RBFOX1: variants seen among roughly 807,000 people sequenced by gnomAD.
The protein encoded by RBFOX1 is RNA binding protein fox-1 homolog 1.
Under a neutral mutation model 57.7 loss-of-function variants are expected in RBFOX1, and 8 were observed. The ratio of observed to expected loss-of-function variants is 0.14; its 90% confidence interval spans 0.08 to 0.25. RBFOX1 has a LOEUF of 0.25. Ranked by LOEUF, RBFOX1 falls within the 10% of genes least tolerant of loss-of-function variation. The pLI, the probability that RBFOX1 is intolerant of heterozygous loss-of-function variation, is 1.00. For synonymous variants in RBFOX1, 326 were observed against 222.4 expected, an observed-to-expected ratio of 1.47 and a Z score of -4.15; for missense variants, 611 against 548.5, an observed-to-expected ratio of 1.11 and a Z score of -1.14.
intron 2 of RBFOX1, among the ~76,000 whole-genome samples, chr16:6,325,216 A>T (rs2082241541): frequency 6.6e-6 from 1 of 152,078 alleles, no homozygotes; most frequent in Non-Finnish European, 1.5e-5. Flanking sequence ...AAAATTATCC[A>T]GGCATGGTGG....
intron 3 of RBFOX1, among the ~76,000 whole-genome samples, chr16:5,710,178 G>A (rs7196122): frequency 1.3e-5 from 2 of 151,918 alleles, no homozygotes; most frequent in African/African-American, 4.8e-5. Context: ...TTAGAGCCAA[G>A]GGTTATATGA....
chr16:5,842,196 A>G (rs944675813), intron 3 of RBFOX1, among the ~76,000 whole-genome samples: 1 of 152,198 alleles, frequency 6.6e-6, no homozygotes, highest in Non-Finnish European at 1.5e-5. Flanking sequence ...CGCCTCAAAC[A>G]TGTTAACTGC....
Position 5,775,251 on chromosome 16 carries a change from T to A in RBFOX1, c.319-92052T>A, listed in dbSNP as rs561328958. Among the ~76,000 whole-genome samples, 8 of 152,280 alleles carry A rather than the reference T, an allele frequency of 5.3e-5. No homozygotes were observed. In the South Asian group the frequency reaches 1.7e-3, roughly 32 times the overall value. Reference sequence around the variant, plus strand: ...CTCCTTACTCAACCACCATAGCTGTTCCTAAGCTTCCCTTCAACTAACATC... The same window carrying A: ...CTCCTTACTCAACCACCATAGCTGTACCTAAGCTTCCCTTCAACTAACATC... On this transcript the variant is annotated intron_variant, in intron 3 of 19. Transcript: ENST00000641259.
chr16:6,421,711 C>G (rs1434543667), intron 2 of RBFOX1, among the ~76,000 whole-genome samples: 1 of 152,150 alleles, frequency 6.6e-6, no homozygotes, highest in Non-Finnish European at 1.5e-5. Flanking sequence ...ATAAATTTAA[C>G]ACACTAATCA....
chr16:5,835,526 C>T (rs2056430127), intron 3 of RBFOX1, among the ~76,000 whole-genome samples: 1 of 152,132 alleles, frequency 6.6e-6, no homozygotes, highest in South Asian at 2.1e-4. Flanking sequence ...TCCAGATTCC[C>T]AGGACCCTCT....
chr16:7,665,054 C>T (rs950012976), intron 13 of RBFOX1, 86 bp downstream of exon 13: 14 of 1,611,272 alleles, frequency 8.7e-6, no homozygotes, highest in South Asian at 3.3e-5. Context: ...CTCTACTTGG[C>T]GTAGTTGAGT....
At chr16:6,922,995 A>G (rs1201335811) in intron 3 of RBFOX1, among the ~76,000 whole-genome samples, 1 of 152,186 alleles carries the variant, frequency 6.6e-6, no homozygotes, top group Non-Finnish European at 1.5e-5. Flanking sequence ...TACACAAACT[A>G]CTTATAAATC....
At chr16:5,829,997 A>AT (rs2056207192) in intron 3 of RBFOX1, among the ~76,000 whole-genome samples, 1 of 152,176 alleles carries the variant, frequency 6.6e-6, no homozygotes, top group Admixed American at 6.5e-5. Context: ...TCTTGCTTCC[A>AT]GTCTCTTCGT....
intron 1 of RBFOX1, among the ~76,000 whole-genome samples, chr16:6,034,564 A>G (rs1312093965): frequency 6.6e-6 from 1 of 151,992 alleles, no homozygotes; most frequent in African/African-American, 2.4e-5. Flanking sequence ...ACCTTTGGGT[A>G]AGGTTCCCAT....
chr16:7,134,412 C>T (rs954773395), intron 4 of RBFOX1, among the ~76,000 whole-genome samples: 1 of 152,160 alleles, frequency 6.6e-6, no homozygotes, highest in Non-Finnish European at 1.5e-5. Context: ...ATTACTTCTT[C>T]AGGCATTGAG....
At chr16:7,175,132 A>G (rs1202979211) in intron 4 of RBFOX1, among the ~76,000 whole-genome samples, 1 of 151,758 alleles carries the variant, frequency 6.6e-6, no homozygotes, top group Non-Finnish European at 1.5e-5. Flanking sequence ...TGCTGCACCT[A>G]TCAACCCATC....
intron 3 of RBFOX1, among the ~76,000 whole-genome samples, chr16:6,732,904 T>C (rs374731364): frequency 6.6e-6 from 1 of 152,240 alleles, no homozygotes; most frequent in African/African-American, 2.4e-5. Flanking sequence ...CCTTGTGTTA[T>C]ATTTCATGAC....
At chr16:7,361,418 C>G (rs1462199450) in intron 4 of RBFOX1, among the ~76,000 whole-genome samples, 1 of 152,168 alleles carries the variant, frequency 6.6e-6, no homozygotes, top group Non-Finnish European at 1.5e-5. Context: ...GGCTGCGGCA[C>G]TTCCCTAAAG....
At chr16:6,024,228 A>G (rs1158136498) in intron 1 of RBFOX1, among the ~76,000 whole-genome samples, 2 of 152,212 alleles carry the variant, frequency 1.3e-5, no homozygotes, top group African/African-American at 4.8e-5. Context: ...AATGTACCAC[A>G]TGTTAGACCC....
intron 1 of RBFOX1, among the ~76,000 whole-genome samples, chr16:6,072,897 G>A (rs1035717542): frequency 4.6e-5 from 7 of 152,086 alleles, no homozygotes; most frequent in African/African-American, 1.7e-4. Context: ...TGTGGGGATG[G>A]TTTCACAGGC....
rs559871132 is a variant in RBFOX1 at position 6,542,655 on chromosome 16, G to A, written c.-63-111948G>A. Reference sequence around the variant, plus strand: ...CAGGCGCCCGCCACCATGCCTGGCGGCTAATTTTTTGTATTTTTAGTAGAG... The same window carrying A: ...CAGGCGCCCGCCACCATGCCTGGCGACTAATTTTTTGTATTTTTAGTAGAG... On this transcript the variant is annotated intron_variant, in intron 2 of 15. Coordinates refer to ENST00000550418, the MANE Select transcript of RBFOX1 (RefSeq NM_018723.4). Among the ~76,000 whole-genome samples, 60 of 151,794 alleles carry A rather than the reference G, an allele frequency of 4.0e-4. 1 individual carries two copies. In the South Asian group the frequency reaches 0.012, roughly 31 times the overall value.
intron 10 of RBFOX1, among the ~76,000 whole-genome samples, chr16:7,620,811 A>C (rs2059196670): frequency 6.6e-6 from 1 of 152,180 alleles, no homozygotes; most frequent in Non-Finnish European, 1.5e-5. Flanking sequence ...ACTGACTTAT[A>C]GTTCAGTTTT....
At chr16:7,051,013 C>T (rs1048319300) in intron 3 of RBFOX1, among the ~76,000 whole-genome samples, 4 of 151,922 alleles carry the variant, frequency 2.6e-5, no homozygotes, top group Non-Finnish European at 4.4e-5. Context: ...ATACAAAATG[C>T]GTAAAATATA....
At chr16:6,712,851 G>C (rs1452574457) in intron 3 of RBFOX1, among the ~76,000 whole-genome samples, 1 of 150,628 alleles carries the variant, frequency 6.6e-6, no homozygotes, top group African/African-American at 2.4e-5. Flanking sequence ...TCATGGGAGG[G>C]ACCCAGTGGG....
Sources: gnomAD v4.1 joint callset for allele counts (sites outside exome capture counted in the v4.1 genomes callset) on GRCh38, gnomAD v4.1.1 for gene constraint, MANE v1.5 for transcripts, NCBI Gene and HGNC (gene_info 2026-07-23, HGNC 2026-07-21) for gene names.